The following PCDH15 variants were observed in gnomAD, a reference collection of about 807,000 sequenced individuals.
The protein encoded by PCDH15 is protocadherin related 15, also known as protocadherin-15.
Under a neutral mutation model 178.5 loss-of-function variants are expected in PCDH15, and 129 were observed. The observed-to-expected ratio is 0.72, with a 90% CI of 0.63 to 0.84. The LOEUF is 0.84. Ranked by LOEUF, PCDH15 falls within the 40% of genes least tolerant of loss-of-function variation. The probability of loss-of-function intolerance (pLI) is 0.00; values close to 1 mark genes in which losing one functional copy is unlikely to be tolerated. For missense variants in PCDH15, 2,230 were observed against 2,099.9 expected, an observed-to-expected ratio of 1.06 and a Z score of -1.21; for synonymous variants, 800 against 732.0, an observed-to-expected ratio of 1.09 and a Z score of -1.50.
chr10:55,347,089 C>T (rs142608515), intron 2 of PCDH15, among the ~76,000 whole-genome samples: 1,664 of 152,070 alleles, frequency 0.011, 33 homozygotes, highest in African/African-American at 0.038. Flanking sequence ...GTGGCACATA[C>T]CTGTAGTCCC....
At chr10:55,483,606 C>T (rs1840231579) in intron 2 of PCDH15, among the ~76,000 whole-genome samples, 1 of 151,752 alleles carries the variant, frequency 6.6e-6, no homozygotes, top group East Asian at 1.9e-4. Context: ...AAATATCATT[C>T]AACACAGCAA....
intron 2 of PCDH15, among the ~76,000 whole-genome samples, chr10:55,145,218 T>A (rs1838471618): frequency 6.6e-6 from 1 of 152,016 alleles, no homozygotes; most frequent in Admixed American, 6.6e-5. Context: ...TACCATTAAT[T>A]GCTCAGAGGA....
intron 8 of PCDH15, among the ~76,000 whole-genome samples, chr10:54,309,909 T>C (rs2060798095): frequency 1.3e-5 from 2 of 152,066 alleles, no homozygotes; most frequent in South Asian, 2.1e-4. Context: ...AAAACATTCA[T>C]AGTAAATGAA....
chr10:55,138,367 T>G (rs760021520), intron 2 of PCDH15, among the ~76,000 whole-genome samples: 24 of 152,112 alleles, frequency 1.6e-4, no homozygotes, highest in Admixed American at 1.6e-3. Context: ...TGATGAGAAA[T>G]AGTTGTCAAG....
intron 3 of PCDH15, among the ~76,000 whole-genome samples, chr10:54,870,699 T>C (rs1437839183): frequency 1.3e-5 from 2 of 151,594 alleles, no homozygotes; most frequent in Non-Finnish European, 2.9e-5. Context: ...GGCAGAAGAA[T>C]GGCGTGAACC....
intron 2 of PCDH15, among the ~76,000 whole-genome samples, chr10:55,154,134 G>A (rs1482178580): frequency 6.6e-6 from 1 of 151,974 alleles, no homozygotes; most frequent in Non-Finnish European, 1.5e-5. Context: ...CATATATTCA[G>A]ATAATTTTAG....
At chr10:54,083,056 A>G (rs1332553090) in intron 16 of PCDH15, among the ~76,000 whole-genome samples, 3 of 152,092 alleles carry the variant, frequency 2.0e-5, no homozygotes, top group Non-Finnish European at 4.4e-5. Context: ...ACAACCAAGT[A>G]TCACTTCACA....
chr10:54,680,399 T>C (rs1015095172), intron 1 of PCDH15, among the ~76,000 whole-genome samples: 8 of 152,190 alleles, frequency 5.3e-5, no homozygotes, highest in African/African-American at 1.9e-4. Context: ...TCAGGCATAT[T>C]TTTAAGACTC....
chr10:54,718,996 A>T (rs987113645), intron 1 of PCDH15, among the ~76,000 whole-genome samples: 36 of 151,980 alleles, frequency 2.4e-4, no homozygotes, highest in Non-Finnish European at 2.6e-4. Flanking sequence ...CACCCGGTCC[A>T]CACTGATTCT....
chr10:54,335,164 A>C (rs1208153973), intron 6 of PCDH15, among the ~76,000 whole-genome samples: 1 of 152,200 alleles, frequency 6.6e-6, no homozygotes, highest in Non-Finnish European at 1.5e-5. Flanking sequence ...TTGTCCACCC[A>C]AGAGGGACTG....
intron 15 of PCDH15, among the ~76,000 whole-genome samples, chr10:54,131,644 A>T (rs966065793): frequency 1.7e-4 from 26 of 152,326 alleles, no homozygotes; most frequent in East Asian, 5.8e-4. Flanking sequence ...GGAGAAAAGC[A>T]ACAGAATAAA....
chr10:55,544,226 A>G (rs1424784033), intron 2 of PCDH15, among the ~76,000 whole-genome samples: 1 of 147,260 alleles, frequency 6.8e-6, no homozygotes, highest in African/African-American at 2.5e-5. Context: ...ACACTTATAC[A>G]TGTATATATA....
At chr10:55,488,682 T>C (rs1160687516) in intron 2 of PCDH15, among the ~76,000 whole-genome samples, 1 of 151,590 alleles carries the variant, frequency 6.6e-6, no homozygotes, top group African/African-American at 2.4e-5. Flanking sequence ...CTTAGTTTCA[T>C]CTGCTTTTGG....
At chr10:54,525,892 T>C (rs1291961094) in intron 3 of PCDH15, among the ~76,000 whole-genome samples, 3 of 152,254 alleles carry the variant, frequency 2.0e-5, no homozygotes, top group African/African-American at 7.2e-5. Context: ...CAGAGGTTCA[T>C]TTGATCACCA....
intron 3 of PCDH15, among the ~76,000 whole-genome samples, chr10:54,807,375 A>C (rs1306357833): frequency 6.6e-6 from 1 of 152,190 alleles, no homozygotes; most frequent in East Asian, 1.9e-4. Flanking sequence ...GAACTGGAAT[A>C]GTTGTGAAAA....
chr10:54,738,768 T>A (rs1252199855), intron 1 of PCDH15, among the ~76,000 whole-genome samples: 1 of 152,062 alleles, frequency 6.6e-6, no homozygotes, highest in African/African-American at 2.4e-5. Context: ...TCAATAAACA[T>A]GATACATCAT....
intron 11 of PCDH15, among the ~76,000 whole-genome samples, chr10:54,195,036 A>C (rs2133917369): frequency 6.6e-6 from 1 of 152,258 alleles, no homozygotes; most frequent in South Asian, 2.1e-4. Context: ...CTCCATTGTA[A>C]ATTCCTGGGA....
intron 2 of PCDH15, among the ~76,000 whole-genome samples, chr10:55,352,961 AAC>A (rs1285992330): frequency 1.3e-5 from 2 of 152,150 alleles, no homozygotes; most frequent in Non-Finnish European, 2.9e-5. Context: ...CAAAAACTGC[AAC>A]ACCTGCAGCT....
chr10:55,246,998 C>T (rs551856159), intron 1 of PCDH15, among the ~76,000 whole-genome samples: 4 of 152,190 alleles, frequency 2.6e-5, no homozygotes, highest in African/African-American at 9.6e-5. Context: ...TGTTGATTAA[C>T]ATACATGAGT....
Sources: allele counts gnomAD v4.1 joint callset (sites outside exome capture counted in the v4.1 genomes callset), GRCh38; gene constraint gnomAD v4.1.1; transcripts MANE v1.5; gene names NCBI Gene and HGNC (gene_info 2026-07-23, HGNC 2026-07-21).